MOCOS: variants seen among roughly 807,000 people sequenced by gnomAD.
MOCOS encodes human molybdenum cofactor sulfurase.
A neutral mutation model predicts 83.6 loss-of-function variants in MOCOS; 86 were observed. The ratio of observed to expected loss-of-function variants is 1.03; its 90% CI spans 0.86 to 1.23. The LOEUF is 1.23. Ranked by LOEUF, MOCOS falls within the 50% of genes most tolerant of loss-of-function variation. The pLI is 0.00. For missense variants in MOCOS, 1,120 were observed against 1,126.9 expected, an observed-to-expected ratio of 0.99 and a Z score of 0.09; for synonymous variants, 445 against 434.7, an observed-to-expected ratio of 1.02 and a Z score of -0.29.
At chr18:36,208,384 T>C (rs1201284559) in intron 6 of MOCOS, among the ~76,000 whole-genome samples, 1 of 152,238 alleles carries the variant, frequency 6.6e-6, no homozygotes, top group Non-Finnish European at 1.5e-5. Context: ...TAAATTGCTT[T>C]GGGCAGTGTG....
chr18:36,259,725 A>G (rs1311613825), intron 12 of MOCOS, among the ~76,000 whole-genome samples: 2 of 152,072 alleles, frequency 1.3e-5, no homozygotes, highest in African/African-American at 4.8e-5. Flanking sequence ...TTCCTTTTTC[A>G]CTGGAGTTCT....
Position 36,228,277 on chromosome 18 carries a change from C to T in MOCOS, c.1960+8060C>T, listed in dbSNP as rs370939262. ...ATTGTGGAAGATAGTCTGGTGATTC[C>T]TCAAACACCTAAAGACAGAAATACC... On this transcript the variant is annotated intron_variant, in intron 9 of 14. Coordinates refer to ENST00000261326, the MANE Select transcript of MOCOS (RefSeq NM_017947.4). Among the ~76,000 whole-genome samples the T allele has an allele frequency of 4.2e-4, 64 of 152,212 alleles. 1 individual carries two copies. The highest frequency in any genetic ancestry group is 1.5e-3 in the African/African-American group (61 of 41,550).
intron 9 of MOCOS, among the ~76,000 whole-genome samples, chr18:36,224,397 C>T (rs888666423): frequency 3.9e-5 from 6 of 152,138 alleles, no homozygotes; most frequent in African/African-American, 1.4e-4. Flanking sequence ...TTCAGTTTTT[C>T]ATCATGGAGT....
At position 36,260,304 on chromosome 18, in the gene MOCOS, G is replaced by C. The variant is rs749981190; in HGVS notation, c.2409+129G>C. 9.0e-6 allele frequency: 11 copies of C among 1,218,854 alleles called. No homozygotes were observed. The South Asian group carries it at 1.3e-4, about 14-fold the overall frequency. 75.5% of individuals were successfully genotyped at this position (1,218,854 alleles called of 1,614,324 possible). A position where few individuals can be genotyped will look rare whatever the true frequency, so the allele number is the denominator to read the frequency against. On this transcript the variant is annotated intron_variant, in intron 13 of 14. Transcript: ENST00000261326. ...TGTCTCTTAACTACAAAATCTTGGT[G>C]GGAGGTTATGTAAGCTTAGCCTTCT... is the stretch of plus-strand genomic sequence containing the variant.
At chr18:36,195,850 G>C (rs1317388828) in intron 2 of MOCOS, among the ~76,000 whole-genome samples, 1 of 152,224 alleles carries the variant, frequency 6.6e-6, no homozygotes, top group Non-Finnish European at 1.5e-5. Flanking sequence ...CTGTGTGAAG[G>C]ACTATGGACA....
At chr18:36,199,579 C>G in intron 3 of MOCOS, 104 bp from the exon 4 acceptor site, 4 of 1,553,822 alleles carry the variant, frequency 2.6e-6, no homozygotes, top group Non-Finnish European at 3.5e-6. Context: ...ACCTATCTAT[C>G]CATTAAGGTA....
chr18:36,243,573 C>CTT (rs111541842), intron 9 of MOCOS, among the ~76,000 whole-genome samples: 44 of 151,654 alleles, frequency 2.9e-4, no homozygotes, highest in African/African-American at 1.1e-3. Flanking sequence ...CTGTAGTTTT[C>CTT]TTTTTTTGTT....
intron 2 of MOCOS, 128 bp downstream of exon 2, chr18:36,195,474 A>G: frequency 2.3e-6 from 2 of 880,000 alleles, no homozygotes; most frequent in Non-Finnish European, 3.7e-6. Flanking sequence ...CCCATGTAAG[A>G]TAGGGGCCAG....
At chr18:36,227,445 G>T (rs1165134322) in intron 9 of MOCOS, among the ~76,000 whole-genome samples, 1 of 151,892 alleles carries the variant, frequency 6.6e-6, no homozygotes, top group East Asian at 1.9e-4. Flanking sequence ...ACCCAGGCTG[G>T]AGTGCAGTGG....
Position 36,272,009 on chromosome 18 carries a change from T to A in MOCOS, c.*3324T>A, listed in dbSNP as rs1369904381. ...ATCTCACTATAGAGGCATCACTAAT[T>A]GGGGAAAGACAGACTAGGTAATAGT... On this transcript the variant is annotated 3_prime_UTR_variant, in exon 15 of 15. Transcript: ENST00000261326. 6.6e-6 allele frequency: 1 copy of A among 152,160 alleles called. No homozygotes were observed. The highest frequency in any genetic ancestry group is 1.9e-4 in the East Asian group (1 of 5,204). 9.4% of individuals were successfully genotyped at this position (152,160 alleles called of 1,614,324 possible).
At chr18:36,195,161 C>T in intron 1 of MOCOS, 96 bp from the exon 2 acceptor site, 6 of 1,013,478 alleles carry the variant, frequency 5.9e-6, no homozygotes, top group South Asian at 2.6e-5. Flanking sequence ...AGTCAGTGGC[C>T]TGATGTTACG....
intron 14 of MOCOS, 96 bp downstream of exon 14, chr18:36,266,949 T>C (rs1385183630): frequency 1.9e-6 from 2 of 1,040,388 alleles, no homozygotes; most frequent in African/African-American, 3.2e-5. Flanking sequence ...TTTTTTTAAA[T>C]GGGGGATTTG....
In MOCOS at chr18:36,215,903, CT is replaced by C; in HGVS notation, c.1724del (p.Leu575ArgfsTer26). 1 of 1,613,890 alleles carries C rather than the reference CT, an allele frequency of 6.2e-7. No homozygotes were observed. Among genetic ancestry groups the C allele is most frequent in the Non-Finnish European group, 8.5e-7 (1 of 1,179,786 alleles). ...TCCTTCAGAGAAAGCTGCAGGAGTCCTGGAGGGGGCCCTTGGGCCACATGTT... is the reference window on the plus strand; with the variant it reads ...TCCTTCAGAGAAAGCTGCAGGAGTCCGGAGGGGGCCCTTGGGCCACATGTT... ...PTPSEKAAGV[L>X]EGALGPHVVT... On this transcript the variant is annotated frameshift_variant, in exon 8 of 15. Transcript: ENST00000261326. LOFTEE classifies it high-confidence loss of function.
intron 12 of MOCOS, among the ~76,000 whole-genome samples, chr18:36,257,815 T>C (rs2091648522): frequency 1.3e-5 from 2 of 151,956 alleles, no homozygotes; most frequent in Non-Finnish European, 2.9e-5. Context: ...GAACTGGGGG[T>C]CCTGTGACTG....
At position 36,269,076 on chromosome 18, in the gene MOCOS, A is replaced by C; in HGVS notation, c.*391A>C. 1 of 266,114 alleles carries C rather than the reference A, an allele frequency of 3.8e-6. No individual in the cohort carries two copies. Among genetic ancestry groups the C allele is most frequent in the South Asian group, 4.2e-5 (1 of 23,872 alleles). 16.5% of individuals were successfully genotyped at this position (266,114 alleles called of 1,614,324 possible). A position where few individuals can be genotyped will look rare whatever the true frequency, so the allele number is the denominator to read the frequency against. ...TAGAGAGCATCTTTGGATCTCTCCA[A>C]CCCGTTTGTAGTGAGGAAGGGAGTC... On this transcript the variant is annotated 3_prime_UTR_variant, in exon 15 of 15. Coordinates refer to ENST00000261326, the MANE Select transcript of MOCOS (RefSeq NM_017947.4).
chr18:36,202,496 C>T (rs2091418324), intron 4 of MOCOS, among the ~76,000 whole-genome samples: 1 of 152,094 alleles, frequency 6.6e-6, no homozygotes, highest in African/African-American at 2.4e-5. Flanking sequence ...ACCTGGCCAC[C>T]CTAGGAAATT....
chr18:36,203,015 C>T, intron 4 of MOCOS, 98 bp from the exon 5 acceptor site: 2 of 1,201,086 alleles, frequency 1.7e-6, no homozygotes, highest in Non-Finnish European at 2.5e-6. Context: ...ACCACATCAA[C>T]AGCTAAGCCT....
chr18:36,239,014 G>GAGCC (rs1361065885), intron 9 of MOCOS, among the ~76,000 whole-genome samples: 1 of 150,756 alleles, frequency 6.6e-6, no homozygotes, highest in East Asian at 1.9e-4. Context: ...CTTTTATTTT[G>GAGCC]AGCCTATGTG....
In MOCOS at chr18:36,271,484, A is replaced by G. The variant is rs1465685963; in HGVS notation, c.*2799A>G. The G allele has an allele frequency of 7.2e-5, 11 of 152,072 alleles. No individual in the cohort carries two copies. Among genetic ancestry groups the G allele is most frequent in the Non-Finnish European group, 1.6e-4 (11 of 68,028 alleles). The allele number at this position is 152,072 out of a possible 1,614,324, so 9.4% of individuals were successfully genotyped here. A position where few individuals can be genotyped will look rare whatever the true frequency, so the allele number is the denominator to read the frequency against. On this transcript the variant is annotated 3_prime_UTR_variant, in exon 15 of 15. Transcript: ENST00000261326. ...ATCTGTAGAGTGGCTTCATATTCAG[A>G]GTTTATGGACATTTATGATTTTATG...
Sources: allele counts gnomAD v4.1 joint callset (sites outside exome capture counted in the v4.1 genomes callset), GRCh38; gene constraint gnomAD v4.1.1; transcripts MANE v1.5; gene names NCBI Gene and HGNC (gene_info 2026-07-23, HGNC 2026-07-21).